The following ZNF730 variants were observed in gnomAD, a reference collection of about 807,000 sequenced individuals.
ZNF730 encodes the protein putative zinc finger protein 730.
A neutral mutation model predicts 12.6 loss-of-function variants in ZNF730; 12 were observed. That is an observed-to-expected ratio of 0.95 (90% CI 0.61 to 1.54). The LOEUF (loss-of-function observed/expected upper bound fraction) is 1.54. ZNF730 is among the 40% of genes most tolerant of loss of function. ZNF730 has a pLI of 0.00. For missense variants in ZNF730, 643 were observed against 583.5 expected (o/e 1.10, Z -1.05); for synonymous variants, 194 against 195.8 (o/e 0.99, Z 0.08).
intron 1 of ZNF730, among the ~76,000 whole-genome samples, chr19:23,087,419 A>C (rs1970082192): frequency 6.6e-6 from 1 of 152,092 alleles, no homozygotes; most frequent in Non-Finnish European, 1.5e-5. Flanking sequence ...AAGAAAAAAA[A>C]GAAAAAAAGA....
intron 1 of ZNF730, among the ~76,000 whole-genome samples, chr19:23,107,475 A>AC (rs1260332359): frequency 1.7e-5 from 2 of 118,934 alleles, no homozygotes; most frequent in Non-Finnish European, 3.7e-5. Context: ...AAAAAAAAAA[A>AC]CCACCACAGC....
chr19:23,115,687 CACCCCCAGAAGCAGAAGCTT>C (rs57651829), upstream of ZNF730, among the ~76,000 whole-genome samples: 89,242 of 151,346 alleles, frequency 0.59, 27,535 homozygotes, highest in South Asian at 0.73. Context: ...AGCAGAAGCT[CACCCCCAGAAGCAGAAGCTT>C]ACCCCCAGAA....
At chr19:23,125,647 C>T (rs1970654404) in intron 1 of ZNF730, 1 of 152,174 alleles carries the variant, frequency 6.6e-6, no homozygotes, top group South Asian at 2.1e-4. Flanking sequence ...CCATGGATGC[C>T]AGTCTCTGTT....
intron 1 of ZNF730, 25 bp downstream of exon 1, chr19:23,117,201 G>A (rs1395840590): frequency 1.2e-6 from 2 of 1,613,700 alleles, no homozygotes; most frequent in African/African-American, 2.7e-5. Context: ...CCGACATCCC[G>A]AGAGAGGGAA....
intron 3 of ZNF730, among the ~76,000 whole-genome samples, chr19:23,138,879 A>AT (rs141818923): frequency 0.026 from 4,015 of 151,942 alleles, 66 homozygotes; most frequent in Non-Finnish European, 0.032. Context: ...TCATAAAGGC[A>AT]TTTTTTTTCA....
upstream of ZNF730, among the ~76,000 whole-genome samples, chr19:23,112,195 A>G (rs1351600455): frequency 6.6e-6 from 1 of 152,212 alleles, no homozygotes; most frequent in East Asian, 1.9e-4. Flanking sequence ...TCTTAAAGCT[A>G]ACCAGAAAGA....
At chr19:23,075,771 C>A (rs1431964678) in intron 1 of ZNF730, among the ~76,000 whole-genome samples, 1 of 151,822 alleles carries the variant, frequency 6.6e-6, no homozygotes, top group African/African-American at 2.4e-5. Context: ...TAGACAGTCT[C>A]GCTCTGTCGC....
chr19:23,117,301 C>T, intron 1 of ZNF730, 125 bp downstream of exon 1: 1 of 1,559,766 alleles, frequency 6.4e-7, no homozygotes, highest in Admixed American at 1.7e-5. Flanking sequence ...GAGTTCTTGC[C>T]CAGCTCGGCC....
intron 1 of ZNF730, chr19:23,128,094 C>T (rs532649099): frequency 1.7e-5 from 14 of 832,936 alleles, no homozygotes; most frequent in African/African-American, 1.2e-4. Context: ...CAAGTGCCTT[C>T]ACCTGCTATT....
chr19:23,101,680 C>A (rs376654476), intron 1 of ZNF730, among the ~76,000 whole-genome samples: 1 of 152,182 alleles, frequency 6.6e-6, no homozygotes, highest in Non-Finnish European at 1.5e-5. Context: ...AGTGATTCTT[C>A]TGCCTCAGCC....
chr19:23,111,622 G>A (rs1422257493), intron 1 of ZNF730, among the ~76,000 whole-genome samples: 1 of 152,022 alleles, frequency 6.6e-6, no homozygotes, highest in Non-Finnish European at 1.5e-5. Context: ...GGTGGTGCAT[G>A]CCTGTAGTCC....
chr19:23,101,446 C>T (rs564670696), intron 1 of ZNF730, among the ~76,000 whole-genome samples: 14 of 152,206 alleles, frequency 9.2e-5, no homozygotes, highest in African/African-American at 2.2e-4. Flanking sequence ...TTAGACCCAA[C>T]GTACAGAAAG....
At chr19:23,105,410 G>T (rs1970382111) in intron 1 of ZNF730, among the ~76,000 whole-genome samples, 1 of 152,000 alleles carries the variant, frequency 6.6e-6, no homozygotes, top group Non-Finnish European at 1.5e-5. Flanking sequence ...ACCATGCCTG[G>T]CCAGAACCCA....
chr19:23,131,101 G>C (rs971179184), intron 1 of ZNF730, among the ~76,000 whole-genome samples: 2 of 152,064 alleles, frequency 1.3e-5, no homozygotes, highest in Non-Finnish European at 2.9e-5. Context: ...TTAGCAACTT[G>C]TTTTCCATTC....
At chr19:23,134,695 T>G (rs1448265768) in intron 2 of ZNF730, among the ~76,000 whole-genome samples, 1 of 143,318 alleles carries the variant, frequency 7.0e-6, no homozygotes, top group African/African-American at 2.6e-5. Flanking sequence ...GGAGCCCCTC[T>G]GCCCGGCCAC....
intron 1 of ZNF730, among the ~76,000 whole-genome samples, chr19:23,085,826 AT>A (rs1383951518): frequency 9.6e-5 from 7 of 72,566 alleles, no homozygotes; most frequent in Non-Finnish European, 8.3e-5. Context: ...ATTTCACCCA[AT>A]TTTTTTTTCT....
At chr19:23,086,771 G>C (rs2145468008) in intron 1 of ZNF730, among the ~76,000 whole-genome samples, 1 of 152,058 alleles carries the variant, frequency 6.6e-6, no homozygotes, top group African/African-American at 2.4e-5. Context: ...GCCTATTCAG[G>C]GTGTTTTTTG....
chr19:23,134,596 TG>T (rs71163450), intron 2 of ZNF730, among the ~76,000 whole-genome samples: 87,432 of 109,332 alleles, frequency 0.8, 33,644 homozygotes, highest in East Asian at 0.91. Flanking sequence ...TCCTGGAGGG[TG>T]GGGGGGGGGG....
At chr19:23,088,485 G>A (rs1239005450) in intron 1 of ZNF730, among the ~76,000 whole-genome samples, 1 of 151,790 alleles carries the variant, frequency 6.6e-6, no homozygotes, top group Non-Finnish European at 1.5e-5. Flanking sequence ...TCTCCAGATG[G>A]TGTCTCACTC....
Sources: allele counts gnomAD v4.1 joint callset (sites outside exome capture counted in the v4.1 genomes callset), GRCh38; gene constraint gnomAD v4.1.1; transcripts MANE v1.5; gene names NCBI Gene and HGNC (gene_info 2026-07-23, HGNC 2026-07-21).